IQCK: variants seen among roughly 807,000 people sequenced by gnomAD.
IQCK encodes IQ domain-containing protein K.
IQCK carries 29 observed loss-of-function variants against 28.1 expected under a neutral mutation model. The observed-to-expected ratio is 1.03, with a 90% CI of 0.77 to 1.41. IQCK has a LOEUF of 1.41. Ranked by LOEUF, IQCK falls within the 40% of genes most tolerant of loss-of-function variation. IQCK has a pLI of 0.00. For missense variants in IQCK, 359 were observed against 314.7 expected (o/e 1.14, Z -1.07); for synonymous variants, 113 against 115.1 (o/e 0.98, Z 0.12).
intron 2 of IQCK, among the ~76,000 whole-genome samples, 154 bp downstream of exon 2, chr16:19,730,648 T>C (rs1318139278): frequency 1.3e-5 from 2 of 152,248 alleles, no homozygotes; most frequent in Non-Finnish European, 2.9e-5. Flanking sequence ...ATCCCAGCTC[T>C]AATACTAACA....
At chr16:19,722,922 G>A (rs1364727469) in intron 1 of IQCK, among the ~76,000 whole-genome samples, 1 of 152,070 alleles carries the variant, frequency 6.6e-6, no homozygotes, top group East Asian at 1.9e-4. Flanking sequence ...ATGTTGGCCA[G>A]GCTGGTGTCG....
At chr16:19,758,092 AC>A (rs1263494720) in intron 4 of IQCK, among the ~76,000 whole-genome samples, 2 of 152,116 alleles carry the variant, frequency 1.3e-5, no homozygotes, top group Admixed American at 1.3e-4. Flanking sequence ...TCACCCTTTA[AC>A]AATCAAGGAC....
At chr16:19,718,661 G>T (rs1977350394) in intron 1 of IQCK, among the ~76,000 whole-genome samples, 174 bp downstream of exon 1, 1 of 152,226 alleles carries the variant, frequency 6.6e-6, no homozygotes, top group East Asian at 1.9e-4. Context: ...GGAGAGGCTG[G>T]CCCGAGGTTA....
chr16:19,789,316 T>G, intron 7 of IQCK: 1 of 41,242 alleles, frequency 2.4e-5, no homozygotes, highest in Non-Finnish European at 3.7e-5. Context: ...GAGGCGGAGG[T>G]GGGAGGATGG....
intron 1 of IQCK, among the ~76,000 whole-genome samples, chr16:19,726,072 C>T (rs886293936): frequency 6.6e-6 from 1 of 152,074 alleles, no homozygotes; most frequent in Admixed American, 6.6e-5. Flanking sequence ...CCCGCCACCA[C>T]TCCCGGCTAA....
At chr16:19,784,109 T>C (rs2055530468) in intron 6 of IQCK, among the ~76,000 whole-genome samples, 1 of 152,184 alleles carries the variant, frequency 6.6e-6, no homozygotes, top group African/African-American at 2.4e-5. Context: ...CTTCCTGACA[T>C]AGGATTCCCT....
intron 9 of IQCK, among the ~76,000 whole-genome samples, chr16:19,850,637 G>A (rs111770533): frequency 2.0e-5 from 3 of 152,122 alleles, no homozygotes; most frequent in Non-Finnish European, 2.9e-5. Flanking sequence ...TGAGCATCTC[G>A]TGGTTCGTAC....
At chr16:19,850,314 G>T (rs2056467215) in intron 9 of IQCK, among the ~76,000 whole-genome samples, 2 of 152,156 alleles carry the variant, frequency 1.3e-5, no homozygotes, top group Admixed American at 6.6e-5. Context: ...TGAGCAAGTT[G>T]CATGACCTGT....
chr16:19,746,606 T>G (rs1304706343), intron 4 of IQCK, among the ~76,000 whole-genome samples: 1 of 152,240 alleles, frequency 6.6e-6, no homozygotes, highest in East Asian at 1.9e-4. Flanking sequence ...TTTTTTATTT[T>G]TAACAAAAGA....
At chr16:19,838,520 C>G (rs968139580) in intron 9 of IQCK, among the ~76,000 whole-genome samples, 1 of 152,122 alleles carries the variant, frequency 6.6e-6, no homozygotes, top group African/African-American at 2.4e-5. Flanking sequence ...TTGGAGCTAA[C>G]CGGGAGGGCA....
chr16:19,785,733 G>A (rs1455510643), intron 6 of IQCK, among the ~76,000 whole-genome samples: 1 of 152,194 alleles, frequency 6.6e-6, no homozygotes, highest in African/African-American at 2.4e-5. Context: ...CATGAGGTGA[G>A]CATGAAGTGG....
intron 9 of IQCK, among the ~76,000 whole-genome samples, chr16:19,845,338 C>T (rs1472056565): frequency 6.6e-6 from 1 of 152,250 alleles, no homozygotes; most frequent in African/African-American, 2.4e-5. Context: ...TTCTGCCAGT[C>T]TGAACTGGCT....
chr16:19,720,927 G>T (rs1977473616), intron 1 of IQCK, among the ~76,000 whole-genome samples: 1 of 151,888 alleles, frequency 6.6e-6, no homozygotes, highest in Admixed American at 6.6e-5. Flanking sequence ...CAGGAGAGTC[G>T]CTTGAACCTG....
At chr16:19,813,900 T>C (rs1236145315) in intron 7 of IQCK, among the ~76,000 whole-genome samples, 1 of 152,150 alleles carries the variant, frequency 6.6e-6, no homozygotes, top group African/African-American at 2.4e-5. Flanking sequence ...CTAAGTAATT[T>C]ATTACATTAT....
rs1472985923 is a variant in IQCK at position 19,799,640 on chromosome 16, A to ACACACC, written c.690+10719_690+10720insACACCC. Among the ~76,000 whole-genome samples the ACACACC allele has an allele frequency of 1.3e-4, 14 of 111,798 alleles. 2 individuals carry two copies. Among genetic ancestry groups the ACACACC allele is most frequent in the African/African-American group, 5.5e-4 (12 of 21,666 alleles). 73.3% of individuals were successfully genotyped at this position (111,798 alleles called of 152,430 possible). ...CACACACACACACACACACACACAC[A>ACACACC]CCCAGTGAATACATTGAGTCATAAC... On this transcript the variant is annotated intron_variant, in intron 7 of 7. Coordinates refer to ENST00000564186, the Ensembl canonical transcript of IQCK.
At chr16:19,829,196 GC>G (rs1416861204), downstream of IQCK, among the ~76,000 whole-genome samples, 3 of 151,612 alleles carry the variant, frequency 2.0e-5, no homozygotes, top group Non-Finnish European at 4.4e-5. Flanking sequence ...CAGGCCACAG[GC>G]CATCATGCCT....
chr16:19,855,148 C>A (rs988900472), intron 9 of IQCK, among the ~76,000 whole-genome samples: 8 of 152,202 alleles, frequency 5.3e-5, no homozygotes, highest in Admixed American at 2.0e-4. Context: ...AGTCTTTACA[C>A]ACTGGGCCAG....
chr16:19,747,584 C>G (rs1000338052), intron 4 of IQCK, among the ~76,000 whole-genome samples: 1 of 151,614 alleles, frequency 6.6e-6, no homozygotes, highest in Non-Finnish European at 1.5e-5. Flanking sequence ...TTTAGGGTAT[C>G]ACCCAAATAA....
Position 19,809,332 on chromosome 16 carries a change from A to G in IQCK, c.691-17694A>G, listed in dbSNP as rs949268093. ...CGTGTGTTAGCTGGGTAGTTCCTCT[A>G]CTGGTCTCACCTAGACTCGATCATG... On this transcript the variant is annotated intron_variant, in intron 7 of 7. Coordinates refer to ENST00000564186, the Ensembl canonical transcript of IQCK. 3.9e-5 allele frequency among the ~76,000 whole-genome samples: 6 copies of G among 152,196 alleles called. No homozygotes were observed. In the South Asian group the frequency reaches 8.3e-4, roughly 21 times the overall value.
Sources: gnomAD v4.1 joint callset for allele counts (sites outside exome capture counted in the v4.1 genomes callset) on GRCh38, gnomAD v4.1.1 for gene constraint, MANE v1.5 for transcripts, NCBI Gene and HGNC (gene_info 2026-07-23, HGNC 2026-07-21) for gene names.